PDE8B: variants seen among roughly 807,000 people sequenced by gnomAD.
PDE8B encodes high affinity cAMP-specific and IBMX-insensitive 3',5'-cyclic phosphodiesterase 8B.
PDE8B carries 26 observed loss-of-function variants against 101.3 expected under a neutral mutation model. That is an observed-to-expected ratio of 0.26 (90% CI 0.19 to 0.36). PDE8B has a LOEUF of 0.36. Ranked by LOEUF, PDE8B falls within the 10% of genes least tolerant of loss-of-function variation. The pLI, the probability that PDE8B is intolerant of heterozygous loss-of-function variation, is 1.00. For missense variants in PDE8B, 810 were observed against 1,163.1 expected (o/e 0.70, Z 4.42); for synonymous variants, 424 against 429.3 (o/e 0.99, Z 0.15).
chr5:77,418,061 T>C (rs537857894), intron 17 of PDE8B, among the ~76,000 whole-genome samples, 168 bp from the exon 18 acceptor site: 11 of 152,270 alleles, frequency 7.2e-5, no homozygotes, highest in African/African-American at 2.2e-4. Flanking sequence ...AGTAAAGCGA[T>C]GCTGCATGTC....
At chr5:77,340,204 T>C (rs1778951900) in intron 6 of PDE8B, among the ~76,000 whole-genome samples, 2 of 152,262 alleles carry the variant, frequency 1.3e-5, no homozygotes, top group Admixed American at 6.5e-5. Flanking sequence ...CAAGTCATTA[T>C]GTTTATTTCA....
intron 1 of PDE8B, among the ~76,000 whole-genome samples, chr5:77,235,460 A>T (rs1332977470): frequency 6.6e-6 from 1 of 152,204 alleles, no homozygotes; most frequent in Non-Finnish European, 1.5e-5. Flanking sequence ...TTAGAGTCTC[A>T]TTCTTGCAGA....
chr5:77,401,257 TTC>T (rs1041757709), intron 11 of PDE8B, among the ~76,000 whole-genome samples: 1 of 152,136 alleles, frequency 6.6e-6, no homozygotes, highest in Non-Finnish European at 1.5e-5. Flanking sequence ...CAGGTGCATT[TTC>T]TCTCTCTCCC....
At chr5:77,194,134 C>T in the PDE8B span, among the ~76,000 whole-genome samples, 9,001 of 152,136 alleles carry the variant, frequency 0.059, 912 homozygotes, top group African/African-American at 0.2. Flanking sequence ...CTTTTTCTTG[C>T]TTTATTTTAT....
the PDE8B span, among the ~76,000 whole-genome samples, chr5:77,188,232 T>A: frequency 1.3e-5 from 2 of 152,210 alleles, no homozygotes; most frequent in South Asian, 2.1e-4. Context: ...TTCTAGATCC[T>A]GTCCTGGCTT....
chr5:77,280,455 G>A (rs1322518183), intron 1 of PDE8B, among the ~76,000 whole-genome samples: 3 of 152,190 alleles, frequency 2.0e-5, no homozygotes, highest in East Asian at 3.8e-4. Flanking sequence ...TTTTAAAAAG[G>A]CATTCAAAAT....
At chr5:77,323,888 G>A (rs183316328) in intron 2 of PDE8B, among the ~76,000 whole-genome samples, 3 of 152,290 alleles carry the variant, frequency 2.0e-5, no homozygotes, top group South Asian at 2.1e-4. Context: ...GAACCTGGGA[G>A]GTGGAGGTTG....
chr5:77,242,975 T>C lies in PDE8B; in HGVS notation c.339+31711T>C, dbSNP rs1057124801. On this transcript the variant is annotated intron_variant, in intron 1 of 21. Transcript: ENST00000264917. ...GCCACTGCGCCCGGCCAAATTTCTT[T>C]TTCTTATTAGATTTAACATTCTAAG... Among the ~76,000 whole-genome samples the C allele has an allele frequency of 2.0e-5, 3 of 152,198 alleles. No homozygotes were observed. In the East Asian group the frequency reaches 5.8e-4, roughly 29 times the overall value.
At chr5:77,370,074 T>A (rs895408380) in intron 10 of PDE8B, among the ~76,000 whole-genome samples, 1 of 152,250 alleles carries the variant, frequency 6.6e-6, no homozygotes, top group African/African-American at 2.4e-5. Context: ...CTTGTTTTTT[T>A]AAAATAAATT....
intron 10 of PDE8B, among the ~76,000 whole-genome samples, chr5:77,398,879 C>T (rs1446472732): frequency 2.0e-5 from 3 of 152,224 alleles, no homozygotes; most frequent in African/African-American, 4.8e-5. Flanking sequence ...TCTCTCAGCT[C>T]CTGGCCTGGC....
intron 10 of PDE8B, among the ~76,000 whole-genome samples, chr5:77,398,476 C>T (rs945982406): frequency 6.6e-6 from 1 of 152,032 alleles, no homozygotes; most frequent in Non-Finnish European, 1.5e-5. Flanking sequence ...GCGCCCGCCA[C>T]CCCACCCAGC....
In PDE8B at chr5:77,356,107, A is replaced by G. The variant is rs137953387; in HGVS notation, c.1167+2701A>G. Among the ~76,000 whole-genome samples, 12 of 152,184 alleles carry G rather than the reference A, an allele frequency of 7.9e-5. No individual in the cohort carries two copies. The East Asian group carries it at 1.9e-3, about 24-fold the overall frequency. The stretch of plus-strand genomic sequence containing the variant: ...GATAATTTTCTTTCTTGGATGTTCC[A>G]TTTTCTTAGGCCAGCAACAGTCTGC... On this transcript the variant is annotated intron_variant, in intron 10 of 21. Transcript: ENST00000264917.
At chr5:77,282,891 T>A (rs1387661441) in intron 1 of PDE8B, among the ~76,000 whole-genome samples, 2 of 151,286 alleles carry the variant, frequency 1.3e-5, no homozygotes, top group African/African-American at 4.9e-5. Flanking sequence ...AGCAGAAGGA[T>A]GTTATGAGAA....
intron 1 of PDE8B, among the ~76,000 whole-genome samples, chr5:77,218,498 C>A (rs1230915819): frequency 6.6e-6 from 1 of 152,182 alleles, no homozygotes; most frequent in East Asian, 1.9e-4. Context: ...AGGCCTGTGG[C>A]CACACAGCCT....
In PDE8B at chr5:77,326,975, A is replaced by G. The variant is rs549548103; in HGVS notation, c.590+1246A>G. Reference sequence around the variant, plus strand: ...CATTTTTCTTTGAATATAAATAAATAAGAGTTTTATTTCCTACCAAATATA... The same window carrying G: ...CATTTTTCTTTGAATATAAATAAATGAGAGTTTTATTTCCTACCAAATATA... On this transcript the variant is annotated intron_variant, in intron 3 of 21. Coordinates refer to ENST00000264917, the MANE Select transcript of PDE8B (RefSeq NM_003719.5). Among the ~76,000 whole-genome samples, 197 of 152,180 alleles carry G rather than the reference A, an allele frequency of 1.3e-3. 1 individual carries two copies. Among genetic ancestry groups the G allele is most frequent in the African/African-American group, 4.6e-3 (189 of 41,434 alleles).
At chr5:77,368,849 G>A (rs1433516432) in intron 10 of PDE8B, among the ~76,000 whole-genome samples, 1 of 152,098 alleles carries the variant, frequency 6.6e-6, no homozygotes, top group Non-Finnish European at 1.5e-5. Flanking sequence ...ACAATACTCA[G>A]ATATATGGAA....
chr5:77,337,532 T>C (rs553718728), intron 6 of PDE8B, among the ~76,000 whole-genome samples: 1 of 152,342 alleles, frequency 6.6e-6, no homozygotes, highest in Admixed American at 6.5e-5. Context: ...GACAGTATTT[T>C]CCACTATTTA....
the PDE8B span, among the ~76,000 whole-genome samples, chr5:77,170,155 A>T: frequency 1.3e-5 from 2 of 152,206 alleles, no homozygotes. Flanking sequence ...GTTTTCCTCC[A>T]TCATACCCAA....
chr5:77,268,212 TG>T (rs1161931149), intron 1 of PDE8B, among the ~76,000 whole-genome samples: 1 of 152,250 alleles, frequency 6.6e-6, no homozygotes, highest in African/African-American at 2.4e-5. Flanking sequence ...ATCATTATTT[TG>T]TTTTAAATTT....
Sources: gnomAD v4.1 joint callset for allele counts (sites outside exome capture counted in the v4.1 genomes callset) on GRCh38, gnomAD v4.1.1 for gene constraint, MANE v1.5 for transcripts, NCBI Gene and HGNC (gene_info 2026-07-23, HGNC 2026-07-21) for gene names.